PLXNB1: variants seen among roughly 807,000 people sequenced by gnomAD.
PLXNB1 encodes the protein plexin B1.
PLXNB1 carries 106 observed loss-of-function variants against 209.4 expected under a neutral mutation model. The observed-to-expected ratio is 0.51, with a 90% confidence interval of 0.43 to 0.59. The LOEUF is 0.59. Among genes scored for constraint, PLXNB1 ranks in the 20% least tolerant of loss-of-function variants. The pLI, the probability that PLXNB1 is intolerant of heterozygous loss-of-function variation, is 0.00. For missense variants in PLXNB1, 2,357 were observed against 2,853.2 expected (o/e 0.83, Z 3.96); for synonymous variants, 1,167 against 1,183.2 (o/e 0.99, Z 0.28).
In PLXNB1 at chr3:48,419,409, C is replaced by T; in HGVS notation, c.2710-43G>A. On this transcript the variant is annotated intron_variant, in intron 11 of 37. Coordinates refer to ENST00000296440, the MANE Select transcript of PLXNB1 (RefSeq NM_001130082.3). This position sits in a 1 kb window ranked among gnomAD's most constrained non-coding sequence, Gnocchi z 5.7. The stretch of plus-strand genomic sequence containing the variant: ...AAGGCAGTCTATGGAGCCCACCCTG[C>T]CCAGCTCAGCCCTCTGCCTTGCCAG... 1 of 1,523,328 alleles carries T rather than the reference C, an allele frequency of 6.6e-7. No individual in the cohort carries two copies. Among genetic ancestry groups the T allele is most frequent in the Non-Finnish European group, 8.8e-7 (1 of 1,133,438 alleles). The allele number at this position is 1,523,328 out of a possible 1,614,324, so 94.4% of individuals were successfully genotyped here.
chr3:48,426,009 T>TCA (rs1334564200), intron 1 of PLXNB1, among the ~76,000 whole-genome samples: 1 of 151,924 alleles, frequency 6.6e-6, no homozygotes, highest in Non-Finnish European at 1.5e-5. Flanking sequence ...AGACCACCAC[T>TCA]CACATTTAGA....
At position 48,420,308 on chromosome 3, in the gene PLXNB1, C is replaced by G. The variant is rs778457932; in HGVS notation, c.2029-51G>C. On this transcript the variant is annotated intron_variant, in intron 10 of 37. Coordinates refer to ENST00000296440, the MANE Select transcript of PLXNB1 (RefSeq NM_001130082.3). ...GGAAGGGCCACTCAGCAGGCAGGCGCGGGACAGGAGGCAGGCAGGCACAGT... is the reference window on the plus strand; with the variant it reads ...GGAAGGGCCACTCAGCAGGCAGGCGGGGGACAGGAGGCAGGCAGGCACAGT... 2.9e-5 allele frequency: 33 copies of G among 1,122,606 alleles called. 2 individuals are homozygous for G. The South Asian group carries it at 4.1e-4, about 14-fold the overall frequency. 69.5% of individuals were successfully genotyped at this position (1,122,606 alleles called of 1,614,324 possible). A position where few individuals can be genotyped will look rare whatever the true frequency, so the allele number is the denominator to read the frequency against.
At chr3:48,412,069 C>A in intron 27 of PLXNB1, 60 bp from the exon 28 acceptor site, 1 of 1,582,952 alleles carries the variant, frequency 6.3e-7, no homozygotes, top group Non-Finnish European at 8.7e-7. Flanking sequence ...TGGGACATGA[C>A]GCACACTGGG....
chr3:48,417,806 G>C lies in PLXNB1; in HGVS notation c.3374+105C>G, dbSNP rs1324013168. The C allele has an allele frequency of 8.0e-7, 1 of 1,250,126 alleles. No homozygotes were observed. The highest frequency in any genetic ancestry group is 1.1e-6 in the Non-Finnish European group (1 of 888,582). 77.4% of individuals were successfully genotyped at this position (1,250,126 alleles called of 1,614,324 possible). On this transcript the variant is annotated intron_variant, in intron 16 of 37. Transcript: ENST00000296440. This position sits in a 1 kb window ranked among gnomAD's most constrained non-coding sequence, Gnocchi z 4.4. Reference sequence around the variant, plus strand: ...CATTGTGGCCAGGATCAAGGAACAGGGAGAGAGGGGGGCAGATGAGCGGTG... The same window carrying C: ...CATTGTGGCCAGGATCAAGGAACAGCGAGAGAGGGGGGCAGATGAGCGGTG...
rs781131965 is a variant in PLXNB1 at position 48,418,265 on chromosome 3, G to A, written c.3148C>T (p.Arg1050Cys). ...CCACAGGCCTCCCGGGTCACACAACGTGGACGCTCCCCCTCACACCACACA... is the reference window on the plus strand; with the variant it reads ...CCACAGGCCTCCCGGGTCACACAACATGGACGCTCCCCCTCACACCACACA... ...GCVWCEGERP[R>C]CVTREACGEA... Residue 1050 changes from arginine (R) to cysteine (C), a missense_variant, in exon 15 of 38, where the codon CGT becomes TGT. By Grantham distance (180) the Arg-to-Cys change is radical. This residue lies in a region of PLXNB1 where 743 missense variants were observed against 896.2 expected (regional missense o/e 0.83). Transcript: ENST00000296440. The surrounding 1 kb of genome is among the most constrained non-coding windows in gnomAD (Gnocchi z 6.6). 6.8e-6 allele frequency: 11 copies of A among 1,613,590 alleles called. No homozygotes were observed. Among genetic ancestry groups the A allele is most frequent in the Non-Finnish European group, 9.3e-6 (11 of 1,180,020 alleles).
At position 48,419,540 on chromosome 3, in the gene PLXNB1, C is replaced by A. The variant is rs935744215; in HGVS notation, c.2709+37G>T. 1.5e-5 allele frequency: 23 copies of A among 1,569,006 alleles called. No homozygotes were observed. The highest frequency in any genetic ancestry group is 1.9e-5 in the Non-Finnish European group (22 of 1,150,026). ...CTAGGGGTAGCATCTTCCCCACATC[C>A]CCTCCCCTGAGGCCTCCTTCCTGGG... is the stretch of plus-strand genomic sequence containing the variant. On this transcript the variant is annotated intron_variant, in intron 11 of 37. Coordinates refer to ENST00000296440, the MANE Select transcript of PLXNB1 (RefSeq NM_001130082.3). This position sits in a 1 kb window ranked among gnomAD's most constrained non-coding sequence, Gnocchi z 5.7.
Position 48,420,033 on chromosome 3 carries a change from T to G in PLXNB1, c.2253A>C (p.Thr751=). The change falls in exon 11 of 38, where the codon ACA becomes ACC. Residue 751 remains threonine, a synonymous_variant. Coordinates refer to ENST00000296440, the MANE Select transcript of PLXNB1 (RefSeq NM_001130082.3). The part of the protein sequence containing the change: ...GSGSISSPGS[T]GSPLHEEPSP... The stretch of plus-strand genomic sequence containing the variant: ...AGGGCTCCTCATGGAGAGGCGACCC[T>G]GTGGAGCCAGGGGAAGATATGGAGC... The G allele has an allele frequency of 6.2e-7, 1 of 1,610,484 alleles. No homozygotes were observed. The highest frequency in any genetic ancestry group is 1.1e-5 in the South Asian group (1 of 90,866).
At chr3:48,412,986 G>A in intron 24 of PLXNB1, 27 bp from the exon 25 acceptor site, 2 of 1,611,416 alleles carry the variant, frequency 1.2e-6, no homozygotes, top group Non-Finnish European at 1.7e-6. Flanking sequence ...GCCAGGTTAA[G>A]CACCTGTTAA....
In PLXNB1 at chr3:48,418,471, C is replaced by G; in HGVS notation, c.3027G>C (p.Val1009=). The G allele has an allele frequency of 6.2e-7, 1 of 1,613,066 alleles. No individual in the cohort carries two copies. The highest frequency in any genetic ancestry group is 8.5e-7 in the Non-Finnish European group (1 of 1,179,770). The part of the protein sequence containing the change: ...LFLRRAGRLR[V]DSAEGLHVVL... The stretch of plus-strand genomic sequence containing the variant: ...CACCATGCAGCCCCTCAGCACTGTC[C>G]ACACGCAGACGGCCGGCCCGACGCA... The change falls in exon 14 of 38, where the codon GTG becomes GTC. Residue 1009 remains valine, a synonymous_variant. Transcript: ENST00000296440. The surrounding 1 kb of genome is among the most constrained non-coding windows in gnomAD (Gnocchi z 6.6).
chr3:48,420,897 G>T lies in PLXNB1; in HGVS notation c.1870C>A (p.Leu624Ile). The T allele has an allele frequency of 6.2e-7, 1 of 1,614,150 alleles. No homozygotes were observed. The highest frequency in any genetic ancestry group is 1.7e-5 in the Admixed American group (1 of 60,026). ...ACCGCCACACAGTCATAGAAAGAGA[G>T]GGAAGTTTTGGCGATCACAACAGCG... ...FGAVVIAKTS[L>I]SFYDCVAVTE... The change falls in exon 9 of 38, where the codon CTC becomes ATC. Residue 624 changes from leucine to isoleucine, a missense_variant. By Grantham distance (5) the Leu-to-Ile change is conservative. Coordinates refer to ENST00000296440, the MANE Select transcript of PLXNB1 (RefSeq NM_001130082.3).
chr3:48,413,007 C>T lies in PLXNB1; in HGVS notation c.4637-48G>A, dbSNP rs376405456. The T allele has an allele frequency of 2.6e-5, 42 of 1,608,650 alleles. No homozygotes were observed. The African/African-American group carries it at 3.9e-4, about 15-fold the overall frequency. On this transcript the variant is annotated intron_variant, in intron 24 of 37. Coordinates refer to ENST00000296440, the MANE Select transcript of PLXNB1 (RefSeq NM_001130082.3). This position sits in a 1 kb window ranked among gnomAD's most constrained non-coding sequence, Gnocchi z 5.4. ...TTAAGCACCTGTTAAGCACCAATCC[C>T]GTGTGATGGGAGTGGGTTTGGGCAG...
At chr3:48,428,673 G>A (rs1403523308) in intron 1 of PLXNB1, among the ~76,000 whole-genome samples, 1 of 152,184 alleles carries the variant, frequency 6.6e-6, no homozygotes, top group African/African-American at 2.4e-5. Context: ...TTCATTGACA[G>A]TGCAGTGGTG....
Position 48,405,962 on chromosome 3 carries a change from C to G in PLXNB1, c.6229-164G>C. 1.6e-6 allele frequency: 1 copy of G among 610,202 alleles called. No individual in the cohort carries two copies. Among genetic ancestry groups the G allele is most frequent in the East Asian group, 3.0e-5 (1 of 33,262 alleles). The allele number at this position is 610,202 out of a possible 1,614,324, so 37.8% of individuals were successfully genotyped here. A position where few individuals can be genotyped will look rare whatever the true frequency, so the allele number is the denominator to read the frequency against. ...CAGAGTCCCCTCCATGGCCCAGGGA[C>G]CCCAGGCCAGGTGTGCCAGATGGGG... is the stretch of plus-strand genomic sequence containing the variant. On this transcript the variant is annotated intron_variant, in intron 36 of 37. Transcript: ENST00000296440. The surrounding 1 kb of genome is among the most constrained non-coding windows in gnomAD (Gnocchi z 5.0).
At position 48,410,718 on chromosome 3, in the gene PLXNB1, G is replaced by A. The variant is rs1465151095; in HGVS notation, c.5416+150C>T. On this transcript the variant is annotated intron_variant, in intron 29 of 37. Transcript: ENST00000296440. The surrounding 1 kb of genome is among the most constrained non-coding windows in gnomAD (Gnocchi z 6.4). ...CAGGGACCCCCTCCCCAGATGAGAG[G>A]CTGTCCAAGAAAGATGTTCCAAAGC... 2.1e-6 allele frequency: 2 copies of A among 950,460 alleles called. No homozygotes were observed. The highest frequency in any genetic ancestry group is 3.2e-6 in the Non-Finnish European group (2 of 631,976). 58.9% of individuals were successfully genotyped at this position (950,460 alleles called of 1,614,324 possible).
Position 48,423,686 on chromosome 3 carries a change from G to A in PLXNB1, c.926C>T (p.Pro309Leu), listed in dbSNP as rs1363877787. 2 of 1,613,704 alleles carry A rather than the reference G, an allele frequency of 1.2e-6. No individual in the cohort carries two copies. The highest frequency in any genetic ancestry group is 1.7e-6 in the Non-Finnish European group (2 of 1,179,918). ...TCCAGATGCCCCAGCAGCCGCCGAT[G>A]GGGGCCGGCCCACAGTGGGGGGTGC... is the stretch of plus-strand genomic sequence containing the variant. Reference protein sequence around the residue: ...SAAPPTVGRPPSAAAGASGAS... With the variant: ...SAAPPTVGRPLSAAAGASGAS... Residue 309 changes from proline to leucine, a missense_variant, in exon 3 of 38, where the codon CCA becomes CTA. By Grantham distance (98) the Pro-to-Leu change is moderately conservative. Coordinates refer to ENST00000296440, the MANE Select transcript of PLXNB1 (RefSeq NM_001130082.3).
At position 48,418,976 on chromosome 3, in the gene PLXNB1, G is replaced by C. The variant is rs199581131; in HGVS notation, c.2896C>G (p.Arg966Gly). Residue 966 changes from arginine to glycine, a missense_variant, in exon 13 of 38, where the codon CGG (arginine) becomes GGG (glycine). Physicochemically the swap from Arg to Gly is moderately radical, Grantham distance 125. Transcript: ENST00000296440. This position sits in a 1 kb window ranked among gnomAD's most constrained non-coding sequence, Gnocchi z 6.6. ...TCTGGAGGTGGCTCACACTCGACCC[G>C]GGCCTCAACCACCACCTCGAGGCCC... ...LEGLEVVVEA[R>G]VECEPPPDTQ... is the part of the protein sequence containing the mutation. 3.1e-6 allele frequency: 5 copies of C among 1,614,014 alleles called. No homozygotes were observed. Among genetic ancestry groups the C allele is most frequent in the Admixed American group, 3.3e-5 (2 of 60,008 alleles).
rs2037696138 is a variant in PLXNB1 at position 48,411,728 on chromosome 3, C to T, written c.5247+135G>A. 9.0e-6 allele frequency: 9 copies of T among 1,000,004 alleles called. No individual in the cohort carries two copies. The South Asian group carries it at 1.4e-4, about 16-fold the overall frequency. 61.9% of individuals were successfully genotyped at this position (1,000,004 alleles called of 1,614,324 possible). ...TAGTCTGATGGGCTCTCTCCAGGAG[C>T]CAGCCAGAGGTCAACCCAGCTCTAC... On this transcript the variant is annotated intron_variant, in intron 28 of 37. Transcript: ENST00000296440. This position sits in a 1 kb window ranked among gnomAD's most constrained non-coding sequence, Gnocchi z 4.0.
Position 48,410,207 on chromosome 3 carries a change from C to G in PLXNB1, c.5605+89G>C. ...TTCCTGGGCCGAATGGAAATAGGCA[C>G]AAGCCTGCCCTGAGGCCCAGAGGAC... is the stretch of plus-strand genomic sequence containing the variant. On this transcript the variant is annotated intron_variant, in intron 31 of 37. Coordinates refer to ENST00000296440, the MANE Select transcript of PLXNB1 (RefSeq NM_001130082.3). The surrounding 1 kb of genome is among the most constrained non-coding windows in gnomAD (Gnocchi z 6.4). The G allele has an allele frequency of 2.8e-6, 4 of 1,451,172 alleles. No homozygotes were observed. The highest frequency in any genetic ancestry group is 3.7e-6 in the Non-Finnish European group (4 of 1,069,622). The allele number at this position is 1,451,172 out of a possible 1,614,324, so 89.9% of individuals were successfully genotyped here. A position where few individuals can be genotyped will look rare whatever the true frequency, so the allele number is the denominator to read the frequency against.
rs2039092173 is a variant in PLXNB1 at position 48,429,685 on chromosome 3, C to T, written c.-60+323G>A. Reference sequence around the variant, plus strand: ...TGCACCGCGGCGGTCGCCATGGCAACGCGGGTCGCCCGGAGGGGTGAGGAG... The same window carrying T: ...TGCACCGCGGCGGTCGCCATGGCAATGCGGGTCGCCCGGAGGGGTGAGGAG... On this transcript the variant is annotated intron_variant, in intron 1 of 37. Transcript: ENST00000296440. The surrounding 1 kb of genome is among the most constrained non-coding windows in gnomAD (Gnocchi z 6.4). 6.6e-6 allele frequency among the ~76,000 whole-genome samples: 1 copy of T among 151,982 alleles called. No homozygotes were observed. Among genetic ancestry groups the T allele is most frequent in the Admixed American group, 6.5e-5 (1 of 15,272 alleles).
Sources: allele counts gnomAD v4.1 joint callset (sites outside exome capture counted in the v4.1 genomes callset), GRCh38; gene constraint gnomAD v4.1.1; regional missense constraint gnomAD v4.1.1; non-coding constraint Gnocchi (gnomAD v3.1); transcripts MANE v1.5; gene names NCBI Gene and HGNC (gene_info 2026-07-23, HGNC 2026-07-21).